Variants in STK3 observed in about 807,000 individuals in gnomAD.
The protein encoded by STK3 is serine/threonine-protein kinase 3.
A neutral mutation model predicts 58.0 loss-of-function variants in STK3; 41 were observed. The ratio of observed to expected loss-of-function variants is 0.71; its 90% CI spans 0.55 to 0.92. The LOEUF (loss-of-function observed/expected upper bound fraction) is 0.92. Among genes scored for constraint, STK3 ranks in the 40% least tolerant of loss-of-function variants. The pLI, the probability that STK3 is intolerant of heterozygous loss-of-function variation, is 0.00. For missense variants in STK3, 479 were observed against 602.7 expected (o/e 0.79, Z 2.15); for synonymous variants, 170 against 191.0 (o/e 0.89, Z 0.91).
chr8:98,649,850 T>C (rs1311919094), intron 6 of STK3, among the ~76,000 whole-genome samples: 1 of 152,224 alleles, frequency 6.6e-6, no homozygotes, highest in East Asian at 1.9e-4. Context: ...ATTGGGAACA[T>C]ATTTTTAAAG....
At chr8:98,624,409 T>G (rs1818558819) in intron 6 of STK3, among the ~76,000 whole-genome samples, 3 of 152,166 alleles carry the variant, frequency 2.0e-5, no homozygotes, top group Admixed American at 2.0e-4. Flanking sequence ...TTTAGAGTTG[T>G]TTTAGAGTTA....
chr8:98,753,269 C>T (rs1830091185), intron 3 of STK3, among the ~76,000 whole-genome samples: 2 of 152,180 alleles, frequency 1.3e-5, no homozygotes, highest in Non-Finnish European at 2.9e-5. Context: ...GGTACATATA[C>T]ACAATGGAAT....
chr8:98,653,686 C>T (rs1426301261), intron 6 of STK3, among the ~76,000 whole-genome samples: 1 of 152,192 alleles, frequency 6.6e-6, no homozygotes, highest in Non-Finnish European at 1.5e-5. Flanking sequence ...AAACTACCAT[C>T]AGAGAATACT....
At chr8:98,451,900 A>AC (rs1491522912), downstream of STK3, among the ~76,000 whole-genome samples, 24 of 53,108 alleles carry the variant, frequency 4.5e-4, no homozygotes, top group Admixed American at 1.6e-3. Context: ...AAAAAAAAAC[A>AC]AAAAAAAAAA....
intron 1 of STK3, among the ~76,000 whole-genome samples, chr8:98,902,100 C>G (rs1337007595): frequency 6.6e-6 from 1 of 152,150 alleles, no homozygotes; most frequent in Non-Finnish European, 1.5e-5. Context: ...CTTTCTTCTG[C>G]TTTTCTGGAT....
rs58255589 is a variant in STK3, at chr8:98,899,282, G to GGCAAAC, written c.-78-15449_-78-15448insGTTTGC. On this transcript the variant is annotated intron_variant, in intron 1 of 1. Transcript: ENST00000519420. The stretch of plus-strand genomic sequence containing the variant: ...TTGAATTCCTATTTTGCCTTCCCCA[G>GGCAAAC]TTTGCAAAATTTTTTGCAAAGTGCT... 1.9e-3 allele frequency among the ~76,000 whole-genome samples: 293 copies of GGCAAAC among 152,162 alleles called. 6 individuals carry two copies. In the East Asian group the frequency reaches 0.04, roughly 21 times the overall value.
At chr8:98,877,095 G>C (rs977718745) in intron 3 of STK3, among the ~76,000 whole-genome samples, 3 of 152,100 alleles carry the variant, frequency 2.0e-5, no homozygotes, top group African/African-American at 7.2e-5. Flanking sequence ...CTGTGATTTT[G>C]AACTATGACA....
At chr8:98,774,908 A>C in intron 1 of STK3, 89 bp from the exon 2 acceptor site, 1 of 876,250 alleles carries the variant, frequency 1.1e-6, no homozygotes. Context: ...CAAGTTTTTA[A>C]TTTTATTTTA....
At chr8:98,548,886 T>C (rs1346925554) in intron 8 of STK3, among the ~76,000 whole-genome samples, 2 of 152,194 alleles carry the variant, frequency 1.3e-5, no homozygotes, top group Non-Finnish European at 2.9e-5. Context: ...TCATACAATA[T>C]ATTTTGCTGA....
At chr8:98,621,228 C>T (rs1161601698) in intron 6 of STK3, among the ~76,000 whole-genome samples, 1 of 152,228 alleles carries the variant, frequency 6.6e-6, no homozygotes, top group Non-Finnish European at 1.5e-5. Context: ...GCATGAGCCA[C>T]CGCGCCCGGC....
chr8:98,437,256 A>ACC (rs1818524123), intron 1 of STK3: 2 of 152,290 alleles, frequency 1.3e-5, no homozygotes, highest in Admixed American at 1.3e-4. Flanking sequence ...TCAACCAGCA[A>ACC]CCAGGCACAG....
At chr8:98,761,738 A>G (rs1830629928) in intron 3 of STK3, among the ~76,000 whole-genome samples, 1 of 152,238 alleles carries the variant, frequency 6.6e-6, no homozygotes, top group Admixed American at 6.5e-5. Flanking sequence ...CTGAATATAC[A>G]AATTGCCAAA....
chr8:98,436,632 A>G (rs1818500238), intron 2 of STK3: 1 of 152,284 alleles, frequency 6.6e-6, no homozygotes, highest in Admixed American at 6.5e-5. Flanking sequence ...TCCAAAGGGC[A>G]TTGCGCACAG....
At chr8:98,595,248 C>G (rs1815708757) in intron 7 of STK3, 1 of 151,572 alleles carries the variant, frequency 6.6e-6, no homozygotes, top group African/African-American at 2.4e-5. Flanking sequence ...TTTTCCATAC[C>G]CCTCAATACA....
At chr8:98,522,433 G>T (rs1825435864) in intron 10 of STK3, among the ~76,000 whole-genome samples, 1 of 152,106 alleles carries the variant, frequency 6.6e-6, no homozygotes, top group South Asian at 2.1e-4. Context: ...ATCATGAGGT[G>T]AAATTTATTT....
chr8:98,583,263 T>C (rs1419001096), intron 7 of STK3, among the ~76,000 whole-genome samples: 2 of 152,116 alleles, frequency 1.3e-5, no homozygotes, highest in Non-Finnish European at 2.9e-5. Context: ...AAATTTGGTG[T>C]GTATCATCAC....
intron 1 of STK3, chr8:98,782,564 C>A: frequency 3.3e-6 from 1 of 306,400 alleles, no homozygotes; most frequent in Non-Finnish European, 6.6e-6. Flanking sequence ...CCATGAAGAG[C>A]GCCTCCAGGC....
chr8:98,583,725 T>A (rs938863108), intron 7 of STK3, among the ~76,000 whole-genome samples: 8 of 152,226 alleles, frequency 5.3e-5, no homozygotes, highest in Non-Finnish European at 1.0e-4. Flanking sequence ...TTAATCTTTA[T>A]CTTGTCTTGT....
intron 1 of STK3, among the ~76,000 whole-genome samples, chr8:98,781,421 C>G (rs542864223): frequency 6.6e-6 from 1 of 152,046 alleles, no homozygotes; most frequent in African/African-American, 2.4e-5. Context: ...CCTCAAAGCC[C>G]AGCAAAACCA....
Sources: gnomAD v4.1 joint callset for allele counts (sites outside exome capture counted in the v4.1 genomes callset) on GRCh38, gnomAD v4.1.1 for gene constraint, MANE v1.5 for transcripts, NCBI Gene and HGNC (gene_info 2026-07-23, HGNC 2026-07-21) for gene names.